ALPK1: variants seen among roughly 807,000 people sequenced by gnomAD.
ALPK1 encodes alpha kinase 1.
In ALPK1, 110 loss-of-function variants were observed where a neutral mutation model predicts 120.6. The observed-to-expected ratio is 0.91, with a 90% CI of 0.78 to 1.07. The LOEUF is 1.07. ALPK1 is among the 50% of genes least tolerant of loss of function. The pLI is 0.00. For missense variants in ALPK1, 1,498 were observed against 1,483.9 expected (o/e 1.01, Z -0.16); for synonymous variants, 582 against 560.3 (o/e 1.04, Z -0.55).
chr4:112,356,462 C>T (rs2148713864), intron 2 of ALPK1: 1 of 948,168 alleles, frequency 1.1e-6, no homozygotes, highest in South Asian at 1.3e-5. Context: ...AGATCATTTA[C>T]GCCTTTAGGA....
chr4:112,385,097 T>G (rs1427014772), intron 4 of ALPK1, among the ~76,000 whole-genome samples: 3 of 152,226 alleles, frequency 2.0e-5, no homozygotes, highest in Non-Finnish European at 4.4e-5. Context: ...TCACTATAAC[T>G]GGGGTTTACT....
chr4:112,360,858 TG>T (rs542688234), intron 2 of ALPK1, among the ~76,000 whole-genome samples: 8 of 152,240 alleles, frequency 5.3e-5, no homozygotes, highest in Non-Finnish European at 1.2e-4. Flanking sequence ...GAAGGTAATT[TG>T]TCTTTTCTCT....
Position 112,411,905 on chromosome 4 carries a change from T to C in ALPK1, c.355T>C (p.Tyr119His), listed in dbSNP as rs778943984. ...AIVFLVDRFL[Y>H]GLDVSGKLLQ... ...TGTGTTCTTGGTGGACCGGTTCCTG[T>C]ATGGGCTCGACGTCTCTGGAAAACT... is the stretch of plus-strand genomic sequence containing the variant. The change falls in exon 5 of 16, where the codon TAT becomes CAT. Residue 119 changes from tyrosine (Y) to histidine (H), a missense_variant. Coordinates refer to ENST00000650871, the MANE Select transcript of ALPK1 (RefSeq NM_025144.4). 9.9e-6 allele frequency: 16 copies of C among 1,614,016 alleles called. No homozygotes were observed. The Admixed American group carries it at 2.2e-4, about 22-fold the overall frequency.
intron 2 of ALPK1, among the ~76,000 whole-genome samples, chr4:112,335,183 CA>C (rs1331575520): frequency 1.3e-5 from 2 of 150,918 alleles, no homozygotes; most frequent in South Asian, 2.1e-4. Flanking sequence ...TTGAATCCGG[CA>C]GGCGGAGGTT....
At chr4:112,436,288 G>C (rs1401577274) in intron 12 of ALPK1, among the ~76,000 whole-genome samples, 1 of 127,798 alleles carries the variant, frequency 7.8e-6, no homozygotes, top group Non-Finnish European at 1.6e-5. Flanking sequence ...ACCCTCTGAG[G>C]GTAGATACTA....
intron 5 of ALPK1, among the ~76,000 whole-genome samples, chr4:112,420,775 T>G (rs1733956954): frequency 6.6e-6 from 1 of 152,166 alleles, no homozygotes; most frequent in Non-Finnish European, 1.5e-5. Flanking sequence ...GCTTTTGGAT[T>G]TGTCCTCTGA....
chr4:112,364,907 C>T (rs2148719209), intron 2 of ALPK1, among the ~76,000 whole-genome samples: 1 of 152,254 alleles, frequency 6.6e-6, no homozygotes, highest in South Asian at 2.1e-4. Context: ...TTAACATACA[C>T]AAGTCAATAA....
At chr4:112,356,169 A>C in intron 2 of ALPK1, 1 of 1,607,790 alleles carries the variant, frequency 6.2e-7, no homozygotes, top group Non-Finnish European at 8.5e-7. Flanking sequence ...GTGACCGTAG[A>C]CTTCCCTTCC....
chr4:112,373,867 T>C (rs767069306), intron 2 of ALPK1, among the ~76,000 whole-genome samples: 19 of 152,348 alleles, frequency 1.2e-4, no homozygotes, highest in Middle Eastern at 6.8e-3. Context: ...CCACCTTAAT[T>C]AAGAAATGCT....
Position 112,432,015 on chromosome 4 carries a change from C to T in ALPK1, c.2468C>T (p.Pro823Leu), listed in dbSNP as rs766157837. ...ATGCTGCCATGTAGCTCCTTCACCCCTAATTGGCCTGTTCAAAATCCTGAC... is the reference window on the plus strand; with the variant it reads ...ATGCTGCCATGTAGCTCCTTCACCCTTAATTGGCCTGTTCAAAATCCTGAC... The part of the protein sequence containing the change: ...ISMLPCSSFT[P>L]NWPVQNPDSR... The change falls in exon 11 of 16, where the codon CCT becomes CTT. Residue 823 changes from proline to leucine, a missense_variant. Pro to Leu is a moderately conservative substitution (Grantham distance 98). Coordinates refer to ENST00000650871, the MANE Select transcript of ALPK1 (RefSeq NM_025144.4). The T allele has an allele frequency of 3.7e-6, 6 of 1,614,036 alleles. No individual in the cohort carries two copies. The highest frequency in any genetic ancestry group is 3.3e-5 in the South Asian group (3 of 91,068).
chr4:112,305,131 C>T (rs1281468222), intron 1 of ALPK1, among the ~76,000 whole-genome samples: 1 of 152,014 alleles, frequency 6.6e-6, no homozygotes, highest in Non-Finnish European at 1.5e-5. Context: ...GTACCAGTAC[C>T]ATGCTGTTTT....
chr4:112,434,547 T>C (rs1036568271), intron 11 of ALPK1, among the ~76,000 whole-genome samples: 9 of 152,264 alleles, frequency 5.9e-5, no homozygotes, highest in Non-Finnish European at 1.2e-4. Flanking sequence ...CTTAGCACTG[T>C]TCTTCCTTTC....
chr4:112,357,505 A>G (rs1730690834), intron 2 of ALPK1: 2 of 803,196 alleles, frequency 2.5e-6, no homozygotes, highest in East Asian at 2.6e-5. Context: ...TCCTGGCCAC[A>G]GCATGCGCAA....
intron 2 of ALPK1, among the ~76,000 whole-genome samples, chr4:112,322,029 T>G (rs1402093948): frequency 6.6e-6 from 1 of 152,166 alleles, no homozygotes; most frequent in Non-Finnish European, 1.5e-5. Flanking sequence ...TGTCAGAAAT[T>G]GCAGAAAACC....
chr4:112,435,387 G>A (rs1331958026), intron 12 of ALPK1, 86 bp downstream of exon 12: 2 of 1,338,060 alleles, frequency 1.5e-6, no homozygotes, highest in East Asian at 2.5e-5. Flanking sequence ...GACTTCGTAG[G>A]GGCTGAAAAA....
At chr4:112,327,715 G>T (rs1400723007) in intron 2 of ALPK1, among the ~76,000 whole-genome samples, 1 of 152,156 alleles carries the variant, frequency 6.6e-6, no homozygotes, top group East Asian at 1.9e-4. Context: ...AAAGCACTGG[G>T]ATTACAGCTG....
intron 4 of ALPK1, among the ~76,000 whole-genome samples, chr4:112,392,398 T>C (rs548811956): frequency 8.1e-4 from 123 of 152,350 alleles, no homozygotes; most frequent in African/African-American, 2.7e-3. Context: ...CTTAGATGTC[T>C]CTCAAACACA....
In ALPK1 at chr4:112,430,831, T is replaced by G. The variant is rs767852264; in HGVS notation, c.1284T>G (p.Asp428Glu). ...HLQVQSFSNV[D>E]DRSYVPESFE... ...AAGTTCAAAGCTTCTCAAATGTAGA[T>G]GACAGATCTTATGTTCCCGAGAGTT... Residue 428 changes from aspartate to glutamate, a missense_variant, in exon 11 of 16, where the codon GAT becomes GAG. By Grantham distance (45) the Asp-to-Glu change is conservative. Transcript: ENST00000650871. The G allele has an allele frequency of 6.2e-7, 1 of 1,614,206 alleles. No homozygotes were observed. The highest frequency in any genetic ancestry group is 8.5e-7 in the Non-Finnish European group (1 of 1,180,016).
At chr4:112,425,849 G>A in intron 7 of ALPK1, 98 bp downstream of exon 7, 1 of 963,162 alleles carries the variant, frequency 1.0e-6, no homozygotes, top group East Asian at 2.6e-5. Context: ...GGCTAAAATT[G>A]TTAATTTCCA....
Sources: gnomAD v4.1 joint callset for allele counts (sites outside exome capture counted in the v4.1 genomes callset) on GRCh38, gnomAD v4.1.1 for gene constraint, MANE v1.5 for transcripts, NCBI Gene and HGNC (gene_info 2026-07-23, HGNC 2026-07-21) for gene names.